SYCP2L: variants seen among roughly 807,000 people sequenced by gnomAD.
SYCP2L encodes the protein synaptonemal complex protein 2-like.
A neutral mutation model predicts 125.8 loss-of-function variants in SYCP2L; 98 were observed. That is an observed-to-expected ratio of 0.78 (90% CI 0.66 to 0.92). SYCP2L has a LOEUF of 0.92. SYCP2L is among the 40% of genes least tolerant of loss of function. SYCP2L has a pLI of 0.00. For synonymous variants in SYCP2L, 317 were observed against 325.4 expected, an observed-to-expected ratio of 0.97 and a Z score of 0.28; for missense variants, 842 against 936.4, an observed-to-expected ratio of 0.90 and a Z score of 1.32.
In SYCP2L at chr6:10,924,657, C is replaced by T; in HGVS notation, c.1218+16C>T. On this transcript the variant is annotated intron_variant, in intron 15 of 29. Transcript: ENST00000283141. ...AGACAAACAGGTGGCAGGTTTCATT[C>T]TTTTGGATTATTTAAAAATGTTTTA... 6.6e-7 allele frequency: 1 copy of T among 1,522,600 alleles called. No homozygotes were observed. The highest frequency in any genetic ancestry group is 8.7e-7 in the Non-Finnish European group (1 of 1,143,382). The allele number at this position is 1,522,600 out of a possible 1,614,324, so 94.3% of individuals were successfully genotyped here. A position where few individuals can be genotyped will look rare whatever the true frequency, so the allele number is the denominator to read the frequency against.
intron 17 of SYCP2L, among the ~76,000 whole-genome samples, 175 bp from the exon 18 acceptor site, chr6:10,928,227 AC>A (rs1375163793): frequency 2.6e-5 from 4 of 151,830 alleles, no homozygotes; most frequent in Admixed American, 2.0e-4. Context: ...CCCTTGTGAT[AC>A]AAGGGTATCA....
intron 18 of SYCP2L, 110 bp downstream of exon 18, chr6:10,928,560 G>A (rs1049841669): frequency 1.4e-6 from 2 of 1,385,818 alleles, no homozygotes; most frequent in Non-Finnish European, 1.9e-6. Flanking sequence ...CCAACCATCT[G>A]TCAATTTAAA....
Position 10,926,426 on chromosome 6 carries a change from G to A in SYCP2L, c.1306G>A (p.Glu436Lys), listed in dbSNP as rs768056359. The A allele has an allele frequency of 3.7e-6, 6 of 1,610,896 alleles. No homozygotes were observed. In the Admixed American group the frequency reaches 6.7e-5, roughly 18 times the overall value. ...DRESPSGLERETEQAEESTNM... is the reference protein window; with the variant it reads ...DRESPSGLERKTEQAEESTNM... ...GGAGAGTCCCAGTGGCCTTGAAAGA[G>A]AAACAGGTATATTGGGAAATAACAA... Residue 436 changes from glutamate (E) to lysine (K), a missense_variant, in exon 16 of 30, where the codon GAA becomes AAA. Physicochemically the swap from Glu to Lys is moderately conservative, Grantham distance 56. Transcript: ENST00000283141.
chr6:10,969,101 C>T (rs1467028835), intron 29 of SYCP2L, among the ~76,000 whole-genome samples: 1 of 152,172 alleles, frequency 6.6e-6, no homozygotes, highest in Non-Finnish European at 1.5e-5. Flanking sequence ...GCTTTTTATA[C>T]AGATATCCAC....
At chr6:10,921,313 CTAT>C (rs2113339680) in intron 14 of SYCP2L, among the ~76,000 whole-genome samples, 1 of 152,206 alleles carries the variant, frequency 6.6e-6, no homozygotes, top group South Asian at 2.1e-4. Context: ...CATGTCTTTG[CTAT>C]TGTGAATAGT....
At position 10,893,935 on chromosome 6, in the gene SYCP2L, G is replaced by T. The variant is rs1178841610; in HGVS notation, c.147G>T (p.Gln49His). 7 of 1,612,562 alleles carry T rather than the reference G, an allele frequency of 4.3e-6. No homozygotes were observed. The highest frequency in any genetic ancestry group is 5.9e-6 in the Non-Finnish European group (7 of 1,179,572). Residue 49 changes from glutamine (Q) to histidine (H), a missense_variant, in exon 3 of 30, where the codon CAG becomes CAT. Physicochemically the swap from Gln to His is conservative, Grantham distance 24 (BLOSUM62 0). Transcript: ENST00000283141. Reference protein sequence around the residue: ...GFQKIKEYFQQKESHFPQKYN... With the variant: ...GFQKIKEYFQHKESHFPQKYN... ...AGAAAATAAAAGAATACTTTCAACA[G>T]AAAGAGAGCCACTTTCCTCAAAAAT... is the stretch of plus-strand genomic sequence containing the variant.
chr6:10,907,792 G>C lies in SYCP2L; in HGVS notation c.819+108G>C, dbSNP rs1327302881. 6 of 1,028,960 alleles carry C rather than the reference G, an allele frequency of 5.8e-6. No homozygotes were observed. The African/African-American group carries it at 8.0e-5, about 14-fold the overall frequency. The allele number at this position is 1,028,960 out of a possible 1,614,324, so 63.7% of individuals were successfully genotyped here. A position where few individuals can be genotyped will look rare whatever the true frequency, so the allele number is the denominator to read the frequency against. Reference sequence around the variant, plus strand: ...CGGGAGGATTTTTTTGCTTAAGTGTGATTACACTGCCATTCTTGAACTTGT... The same window carrying C: ...CGGGAGGATTTTTTTGCTTAAGTGTCATTACACTGCCATTCTTGAACTTGT... On this transcript the variant is annotated intron_variant, in intron 10 of 29. Coordinates refer to ENST00000283141, the MANE Select transcript of SYCP2L (RefSeq NM_001040274.3).
At chr6:10,924,237 C>A (rs910699999) in intron 14 of SYCP2L, among the ~76,000 whole-genome samples, 1 of 152,210 alleles carries the variant, frequency 6.6e-6, no homozygotes, top group East Asian at 1.9e-4. Context: ...AAACTATCTT[C>A]ATTTCTTTGC....
chr6:10,913,465 C>T (rs1780641653), intron 14 of SYCP2L, among the ~76,000 whole-genome samples: 1 of 152,044 alleles, frequency 6.6e-6, no homozygotes, highest in Admixed American at 6.5e-5. Flanking sequence ...ATTTGCATTC[C>T]CCTGATCATT....
At chr6:10,896,600 C>T (rs1490996399) in intron 4 of SYCP2L, among the ~76,000 whole-genome samples, 3 of 152,042 alleles carry the variant, frequency 2.0e-5, no homozygotes, top group African/African-American at 7.2e-5. Flanking sequence ...GCTATTGGAG[C>T]AAAGCTTCCT....
chr6:10,923,753 G>A (rs1780846273), intron 14 of SYCP2L, among the ~76,000 whole-genome samples: 1 of 145,944 alleles, frequency 6.9e-6, no homozygotes. Context: ...GCACGATCTC[G>A]GCTCACTGCA....
At chr6:10,925,089 A>G (rs12660080) in intron 15 of SYCP2L, among the ~76,000 whole-genome samples, 4,112 of 152,276 alleles carry the variant, frequency 0.027, 209 homozygotes, top group East Asian at 0.24. Flanking sequence ...ACAGTTCAAC[A>G]TGGCTGGGGA....
chr6:10,953,435 A>C (rs1236274293), intron 23 of SYCP2L, among the ~76,000 whole-genome samples: 1 of 152,152 alleles, frequency 6.6e-6, no homozygotes, highest in Non-Finnish European at 1.5e-5. Context: ...CAATAGCCCA[A>C]AGCATGGCCA....
intron 6 of SYCP2L, 138 bp from the exon 7 acceptor site, chr6:10,902,539 A>G: frequency 1.5e-6 from 1 of 673,156 alleles, no homozygotes; most frequent in South Asian, 1.9e-5. Flanking sequence ...ACAGGATTGT[A>G]AGAGGCACAG....
At chr6:10,903,686 G>A (rs186867247) in intron 8 of SYCP2L, among the ~76,000 whole-genome samples, 23 of 152,160 alleles carry the variant, frequency 1.5e-4, no homozygotes, top group African/African-American at 5.3e-4. Flanking sequence ...AGGAGGCGGA[G>A]GTTGCAGTGA....
intron 6 of SYCP2L, among the ~76,000 whole-genome samples, chr6:10,902,474 C>G (rs549905581): frequency 1.3e-5 from 2 of 152,218 alleles, no homozygotes; most frequent in African/African-American, 2.4e-5. Context: ...GGAAAATAAA[C>G]GCGTGTATGC....
chr6:10,893,838 A>C (rs1411709228), intron 2 of SYCP2L, 29 bp from the exon 3 acceptor site: 1 of 1,598,092 alleles, frequency 6.3e-7, no homozygotes, highest in South Asian at 1.2e-5. Context: ...CTTGGGGAAA[A>C]AGTAATTTGC....
At chr6:10,915,245 T>C (rs1780672592) in intron 14 of SYCP2L, among the ~76,000 whole-genome samples, 1 of 152,190 alleles carries the variant, frequency 6.6e-6, no homozygotes, top group South Asian at 2.1e-4. Flanking sequence ...TTTCTAGGTA[T>C]ACAATCATTA....
At chr6:10,961,637 G>A in intron 28 of SYCP2L, 79 bp downstream of exon 28, 1 of 1,440,280 alleles carries the variant, frequency 6.9e-7, no homozygotes, top group Non-Finnish European at 9.7e-7. Context: ...TGGGCAGTTG[G>A]TGACGGTAAA....
Sources: gnomAD v4.1 joint callset for allele counts (sites outside exome capture counted in the v4.1 genomes callset) on GRCh38, gnomAD v4.1.1 for gene constraint, MANE v1.5 for transcripts, NCBI Gene and HGNC (gene_info 2026-07-23, HGNC 2026-07-21) for gene names.